The following TAS2R1 variants were observed in gnomAD, a reference collection of about 807,000 sequenced individuals.
TAS2R1 encodes taste receptor type 2 member 1.
For synonymous variants in TAS2R1, 141 were observed against 134.2 expected, an observed-to-expected ratio of 1.05 and a Z score of -0.35; for missense variants, 370 against 353.4, an observed-to-expected ratio of 1.05 and a Z score of -0.38.
chr5:9,707,371 T>C (rs1561384906), intron 1 of TAS2R1, among the ~76,000 whole-genome samples: 1 of 152,084 alleles, frequency 6.6e-6, no homozygotes, highest in Non-Finnish European at 1.5e-5. Context: ...CATCCAGGAC[T>C]CTCAATGGCC....
At chr5:9,658,255 T>C (rs530613279) in intron 2 of TAS2R1, among the ~76,000 whole-genome samples, 2 of 152,342 alleles carry the variant, frequency 1.3e-5, no homozygotes, top group East Asian at 3.9e-4. Context: ...AGAATTATTA[T>C]GAAATCTCAT....
chr5:9,726,174 A>G, the TAS2R1 span, among the ~76,000 whole-genome samples: 1 of 152,250 alleles, frequency 6.6e-6, no homozygotes, highest in Admixed American at 6.5e-5. Flanking sequence ...CACACCAATC[A>G]GCACTCTGTG....
chr5:9,832,694 G>A, the TAS2R1 span, among the ~76,000 whole-genome samples: 1 of 152,182 alleles, frequency 6.6e-6, no homozygotes, highest in African/African-American at 2.4e-5. Flanking sequence ...GGCAAACTTT[G>A]GTGTAAGATT....
the TAS2R1 span, among the ~76,000 whole-genome samples, chr5:9,818,376 T>G: frequency 6.6e-6 from 1 of 152,194 alleles, no homozygotes; most frequent in Non-Finnish European, 1.5e-5. Context: ...CCCCAAGATT[T>G]TCTCTACCCT....
chr5:9,629,125 C>T lies in TAS2R1; in HGVS notation c.*8G>A. The T allele has an allele frequency of 6.5e-7, 1 of 1,537,472 alleles. No homozygotes were observed. Among genetic ancestry groups the T allele is most frequent in the South Asian group, 1.3e-5 (1 of 77,470 alleles). ...TCATGGGTTCTTTGAACTGATCCAA[C>T]TTCTCTCTCACTGACAGCACTTACT... On this transcript the variant is annotated 3_prime_UTR_variant, in exon 1 of 1. Coordinates refer to ENST00000382492, the MANE Select transcript of TAS2R1 (RefSeq NM_019599.3).
At chr5:9,872,232 G>A in the TAS2R1 span, among the ~76,000 whole-genome samples, 2 of 152,064 alleles carry the variant, frequency 1.3e-5, no homozygotes, top group East Asian at 3.9e-4. Context: ...CAACAATGAT[G>A]CAACAGCAGG....
the TAS2R1 span, among the ~76,000 whole-genome samples, chr5:9,830,596 C>CGT: frequency 5.8e-3 from 508 of 88,220 alleles, 1 homozygote; most frequent in South Asian, 0.03. Flanking sequence ...TAGATAGACA[C>CGT]GTGCGCGCGC....
At chr5:9,881,622 A>G in the TAS2R1 span, among the ~76,000 whole-genome samples, 3 of 152,380 alleles carry the variant, frequency 2.0e-5, no homozygotes, top group Middle Eastern at 6.8e-3. Flanking sequence ...ACAAGGCTAC[A>G]GTAACCAAAA....
intron 1 of TAS2R1, among the ~76,000 whole-genome samples, chr5:9,709,801 A>C (rs1385789880): frequency 1.3e-5 from 2 of 152,216 alleles, no homozygotes; most frequent in East Asian, 3.9e-4. Flanking sequence ...AGCTGGAAAC[A>C]CCCAGCTAAT....
At chr5:9,892,256 A>C in the TAS2R1 span, among the ~76,000 whole-genome samples, 15 of 152,182 alleles carry the variant, frequency 9.9e-5, no homozygotes, top group African/African-American at 3.6e-4. Context: ...TTCTGATCTG[A>C]GTACGCTGGG....
At chr5:9,836,907 G>A in the TAS2R1 span, among the ~76,000 whole-genome samples, 1 of 152,198 alleles carries the variant, frequency 6.6e-6, no homozygotes. Context: ...CGACTAAGGA[G>A]CAGGAAATGT....
At chr5:9,734,400 C>A in the TAS2R1 span, among the ~76,000 whole-genome samples, 1 of 152,160 alleles carries the variant, frequency 6.6e-6, no homozygotes, top group Non-Finnish European at 1.5e-5. Flanking sequence ...TAAAACCTTG[C>A]TGAAATGAAC....
chr5:9,730,150 G>A, the TAS2R1 span, among the ~76,000 whole-genome samples: 122 of 152,246 alleles, frequency 8.0e-4, 1 homozygote, highest in Middle Eastern at 3.4e-3. Context: ...TTAATTTTAC[G>A]AAAGATATAA....
chr5:9,746,504 T>G, the TAS2R1 span, among the ~76,000 whole-genome samples: 8 of 152,250 alleles, frequency 5.3e-5, no homozygotes, highest in African/African-American at 1.9e-4. Flanking sequence ...TAGCAAAGAC[T>G]TGGAATCAAC....
the TAS2R1 span, among the ~76,000 whole-genome samples, chr5:9,823,107 G>C: frequency 1.3e-5 from 2 of 150,488 alleles, no homozygotes; most frequent in Non-Finnish European, 3.0e-5. Context: ...ACTATAAAAT[G>C]TCATGAAGAA....
At chr5:9,846,669 AACACACACACATTGC>A in the TAS2R1 span, among the ~76,000 whole-genome samples, 1 of 138,900 alleles carries the variant, frequency 7.2e-6, no homozygotes, top group Non-Finnish European at 1.6e-5. Context: ...CCAATCCCCA[AACACACACACATTGC>A]ACACACACAC....
chr5:9,867,193 G>C, the TAS2R1 span: 1 of 152,206 alleles, frequency 6.6e-6, no homozygotes, highest in East Asian at 1.9e-4. Context: ...AAAAGTATCT[G>C]TGAAAAGAAT....
Position 9,696,662 on chromosome 5 carries a change from G to A in TAS2R1, c.-242+15510C>T, listed in dbSNP as rs1046109095. 5.9e-5 allele frequency among the ~76,000 whole-genome samples: 9 copies of A among 152,148 alleles called. 1 individual carries two copies. The highest frequency in any genetic ancestry group is 2.2e-4 in the African/African-American group (9 of 41,432). ...AGTATGTAATCAGAGGGACATTCAT[G>A]CTTTAAATGCTTTCATTACAGATGA... On this transcript the variant is annotated intron_variant, in intron 1 of 2. Coordinates refer to the TAS2R1 transcript ENST00000506620.
the TAS2R1 span, among the ~76,000 whole-genome samples, chr5:9,891,852 C>T: frequency 6.6e-6 from 1 of 152,164 alleles, no homozygotes; most frequent in Non-Finnish European, 1.5e-5. Context: ...CCAGCTCCTG[C>T]CCAACAACTC....
Sources: allele counts gnomAD v4.1 joint callset (sites outside exome capture counted in the v4.1 genomes callset), GRCh38; gene constraint gnomAD v4.1.1; transcripts MANE v1.5; gene names NCBI Gene and HGNC (gene_info 2026-07-23, HGNC 2026-07-21).